Variants in SGCZ observed in about 807,000 individuals in gnomAD.
SGCZ encodes the protein sarcoglycan zeta, also known as zeta-sarcoglycan.
In SGCZ, 40 loss-of-function variants were observed where a neutral mutation model predicts 41.3. The observed-to-expected ratio is 0.97, with a 90% confidence interval of 0.75 to 1.26. The LOEUF (loss-of-function observed/expected upper bound fraction) is 1.26. Among genes scored for constraint, SGCZ ranks in the 50% most tolerant of loss-of-function variants. The pLI is 0.00. For synonymous variants in SGCZ, 206 were observed against 137.5 expected (o/e 1.50, Z -3.49); for missense variants, 552 against 369.8 (o/e 1.49, Z -4.04).
chr8:14,297,885 C>G (rs1409909831), intron 3 of SGCZ, among the ~76,000 whole-genome samples: 2 of 151,732 alleles, frequency 1.3e-5, no homozygotes, highest in Admixed American at 1.3e-4. Context: ...CTTTGCCACT[C>G]ATTTTAGGAG....
chr8:14,340,166 T>A (rs1441379476), intron 2 of SGCZ, among the ~76,000 whole-genome samples: 2 of 152,142 alleles, frequency 1.3e-5, no homozygotes, highest in African/African-American at 4.8e-5. Context: ...CTCCAGTCTA[T>A]GATATAATAT....
At chr8:15,202,255 G>A (rs936442669) in intron 1 of SGCZ, among the ~76,000 whole-genome samples, 8 of 152,138 alleles carry the variant, frequency 5.3e-5, no homozygotes, top group Non-Finnish European at 1.0e-4. Flanking sequence ...AAATGCTCAT[G>A]AATCAATGAG....
chr8:15,110,788 G>A (rs1807018876), intron 1 of SGCZ, among the ~76,000 whole-genome samples: 1 of 152,106 alleles, frequency 6.6e-6, no homozygotes, highest in Non-Finnish European at 1.5e-5. Flanking sequence ...GACCAACATG[G>A]AGAAACCCTG....
intron 2 of SGCZ, among the ~76,000 whole-genome samples, chr8:14,347,868 G>T (rs1044665094): frequency 6.6e-6 from 1 of 152,020 alleles, no homozygotes; most frequent in African/African-American, 2.4e-5. Flanking sequence ...ATGTACTCAG[G>T]TTGTAACCAA....
At chr8:14,368,500 T>C (rs1585414086) in intron 2 of SGCZ, among the ~76,000 whole-genome samples, 1 of 152,096 alleles carries the variant, frequency 6.6e-6, no homozygotes, top group South Asian at 2.1e-4. Flanking sequence ...TAGTCCTCCA[T>C]ACTAAAACTT....
At chr8:14,101,036 C>T (rs1190506757) in intron 7 of SGCZ, among the ~76,000 whole-genome samples, 1 of 151,560 alleles carries the variant, frequency 6.6e-6, no homozygotes, top group Non-Finnish European at 1.5e-5. Context: ...TATAGACTAG[C>T]ATATAAATCA....
chr8:14,714,866 C>T lies in SGCZ; in HGVS notation c.40-159940G>A, dbSNP rs113875368. On this transcript the variant is annotated intron_variant, in intron 1 of 7. Transcript: ENST00000382080. Reference sequence around the variant, plus strand: ...ATATTGGAAAACTTACCAGGGAATGCGGGGATGTTTTTTTCAGAGCTAAAT... The same window carrying T: ...ATATTGGAAAACTTACCAGGGAATGTGGGGATGTTTTTTTCAGAGCTAAAT... Among the ~76,000 whole-genome samples, 687 of 151,920 alleles carry T rather than the reference C, an allele frequency of 4.5e-3. 5 individuals carry two copies. Among genetic ancestry groups the T allele is most frequent in the African/African-American group, 0.016 (647 of 41,442 alleles).
Position 14,164,586 on chromosome 8 carries a change from C to G in SGCZ, c.541G>C (p.Val181Leu). The G allele has an allele frequency of 6.2e-7, 1 of 1,613,358 alleles. No homozygotes were observed. The highest frequency in any genetic ancestry group is 8.5e-7 in the Non-Finnish European group (1 of 1,179,524). The change falls in exon 5 of 8, where the codon GTT becomes CTT. Residue 181 changes from valine (V) to leucine (L), a missense_variant. Transcript: ENST00000382080. The part of the protein sequence containing the change: ...EITIGAEKLK[V>L]TGTEGAVFGH... ...AGACCTCCATCTACAGTACCTGTAA[C>G]TTTCAGCTTTTCAGCCCCAATGGTA...
chr8:14,621,965 C>T (rs562374475), intron 1 of SGCZ, among the ~76,000 whole-genome samples: 5 of 151,952 alleles, frequency 3.3e-5, no homozygotes, highest in South Asian at 2.1e-4. Flanking sequence ...TCTGTGTCCC[C>T]GCCAAGTCTA....
chr8:14,281,353 G>T (rs1336568992), intron 3 of SGCZ, among the ~76,000 whole-genome samples: 1 of 151,860 alleles, frequency 6.6e-6, no homozygotes, highest in Non-Finnish European at 1.5e-5. Flanking sequence ...TATCTAATGT[G>T]AAAACTGTCA....
chr8:14,663,473 A>G (rs1173122623), intron 1 of SGCZ, among the ~76,000 whole-genome samples: 2 of 152,090 alleles, frequency 1.3e-5, no homozygotes, highest in African/African-American at 2.4e-5. Context: ...TTTAAGCTCC[A>G]CAATTTACTG....
chr8:15,089,428 T>A (rs1402186352), intron 1 of SGCZ, among the ~76,000 whole-genome samples: 1 of 152,122 alleles, frequency 6.6e-6, no homozygotes, highest in Non-Finnish European at 1.5e-5. Context: ...TCTAAAAATC[T>A]GAAGGCTGCT....
At chr8:14,819,131 T>TAAAAA (rs57311975) in intron 1 of SGCZ, among the ~76,000 whole-genome samples, 1 of 144,338 alleles carries the variant, frequency 6.9e-6, no homozygotes. Context: ...GACAGAATTC[T>TAAAAA]AAAAAAAAAA....
intron 1 of SGCZ, among the ~76,000 whole-genome samples, chr8:14,590,125 T>C (rs896640632): frequency 6.6e-6 from 1 of 152,096 alleles, no homozygotes; most frequent in African/African-American, 2.4e-5. Flanking sequence ...AGAACAGTAA[T>C]AATCAAGTAT....
At chr8:14,202,509 G>C (rs1194550698) in intron 4 of SGCZ, among the ~76,000 whole-genome samples, 1 of 151,916 alleles carries the variant, frequency 6.6e-6, no homozygotes, top group Non-Finnish European at 1.5e-5. Flanking sequence ...AAAAAAATGA[G>C]AAAACTATTC....
At position 15,123,009 on chromosome 8, in the gene SGCZ, G is replaced by A. The variant is rs1339012501; in HGVS notation, c.39+114576C>T. ...AGTGTAAGTAAACTGACCTAAAAAT[G>A]TTACCAACAAAACTTACTTGCAGAT... On this transcript the variant is annotated intron_variant, in intron 1 of 7. Coordinates refer to ENST00000382080, the MANE Select transcript of SGCZ (RefSeq NM_139167.4). Among the ~76,000 whole-genome samples the A allele has an allele frequency of 2.0e-5, 3 of 152,122 alleles. 1 individual carries two copies. The highest frequency in any genetic ancestry group is 7.2e-5 in the African/African-American group (3 of 41,436).
chr8:14,261,593 G>C (rs567798175), intron 3 of SGCZ, among the ~76,000 whole-genome samples: 1 of 152,214 alleles, frequency 6.6e-6, no homozygotes, highest in Admixed American at 6.5e-5. Flanking sequence ...CCAAGTATAA[G>C]CTATTTGAGC....
intron 1 of SGCZ, among the ~76,000 whole-genome samples, chr8:15,206,315 G>C (rs1327206547): frequency 6.6e-6 from 1 of 152,122 alleles, no homozygotes; most frequent in Non-Finnish European, 1.5e-5. Context: ...GCAGTACAAA[G>C]GGGTTTCTAG....
intron 2 of SGCZ, among the ~76,000 whole-genome samples, chr8:14,378,712 A>C (rs569337155): frequency 1.3e-5 from 2 of 152,142 alleles, no homozygotes; most frequent in South Asian, 4.1e-4. Context: ...AGTCTTGGGG[A>C]CTGACTGAGC....
Sources: allele counts gnomAD v4.1 joint callset (sites outside exome capture counted in the v4.1 genomes callset), GRCh38; gene constraint gnomAD v4.1.1; transcripts MANE v1.5; gene names NCBI Gene and HGNC (gene_info 2026-07-23, HGNC 2026-07-21).